Variants in PODXL2 observed in about 807,000 individuals in gnomAD.
PODXL2 encodes podocalyxin like 2.
In PODXL2, 17 loss-of-function variants were observed where a neutral mutation model predicts 53.4. That is an observed-to-expected ratio of 0.32 (90% CI 0.22 to 0.48). PODXL2 has a LOEUF of 0.48. PODXL2 is among the 20% of genes least tolerant of loss of function. PODXL2 has a pLI of 0.99. For missense variants in PODXL2, 673 were observed against 760.0 expected, an observed-to-expected ratio of 0.89 and a Z score of 1.35; for synonymous variants, 311 against 306.7, an observed-to-expected ratio of 1.01 and a Z score of -0.15.
At chr3:127,668,822 C>T (rs2074812557) in intron 5 of PODXL2, among the ~76,000 whole-genome samples, 1 of 152,132 alleles carries the variant, frequency 6.6e-6, no homozygotes, top group South Asian at 2.1e-4. Context: ...GGCAGGGGAA[C>T]AGGTGTGGTC....
intron 2 of PODXL2, among the ~76,000 whole-genome samples, chr3:127,647,255 C>T (rs1308254130): frequency 1.3e-5 from 2 of 152,110 alleles, no homozygotes; most frequent in African/African-American, 2.4e-5. Flanking sequence ...ACATGGAATG[C>T]GAATTGCTGC....
At chr3:127,669,109 T>TCA in intron 5 of PODXL2, 32 bp from the exon 6 acceptor site, 2 of 1,529,310 alleles carry the variant, frequency 1.3e-6, no homozygotes, top group Non-Finnish European at 1.8e-6. Context: ...TCAGCCATGG[T>TCA]CACACTGATA....
At position 127,661,143 on chromosome 3, in the gene PODXL2, C is replaced by T; in HGVS notation, c.1115C>T (p.Pro372Leu). 2 of 1,613,760 alleles carry T rather than the reference C, an allele frequency of 1.2e-6. No homozygotes were observed. The highest frequency in any genetic ancestry group is 1.7e-6 in the Non-Finnish European group (2 of 1,179,784). The part of the protein sequence containing the change: ...GQAAEAQSRI[P>L]WDSTQVICKD... ...GCAGCTGAAGCTCAATCCAGGATAC[C>T]CTGGGATTCTACGCAGGTAAAGTGA... Residue 372 changes from proline to leucine, a missense_variant, in exon 3 of 8, where the codon CCC becomes CTC. Transcript: ENST00000342480.
intron 4 of PODXL2, among the ~76,000 whole-genome samples, chr3:127,662,846 T>C (rs2074775986): frequency 1.3e-5 from 2 of 152,236 alleles, no homozygotes; most frequent in African/African-American, 2.4e-5. Flanking sequence ...TCCTTCCTCC[T>C]GAGGTGATTA....
At chr3:127,669,256 CT>C in intron 6 of PODXL2, 54 bp downstream of exon 6, 1 of 1,252,108 alleles carries the variant, frequency 8.0e-7, no homozygotes, top group South Asian at 1.3e-5. Context: ...CCTCCTGTCT[CT>C]GTTCCTCAAA....
intron 2 of PODXL2, 25 bp downstream of exon 2, chr3:127,639,548 T>C (rs767638590): frequency 6.3e-7 from 1 of 1,584,278 alleles, no homozygotes; most frequent in Non-Finnish European, 8.6e-7. Flanking sequence ...CTACAGAGCA[T>C]GTGTTGAGTG....
At position 127,672,571 on chromosome 3, in the gene PODXL2, C is replaced by G; in HGVS notation, c.*91C>G. The G allele has an allele frequency of 1.2e-6, 1 of 836,524 alleles. No individual in the cohort carries two copies. The highest frequency in any genetic ancestry group is 1.7e-6 in the Non-Finnish European group (1 of 586,400). 51.8% of individuals were successfully genotyped at this position (836,524 alleles called of 1,614,324 possible). A position where few individuals can be genotyped will look rare whatever the true frequency, so the allele number is the denominator to read the frequency against. On this transcript the variant is annotated 3_prime_UTR_variant, in exon 8 of 8. Transcript: ENST00000342480. ...CCCGGAGCCCGCACCAGCCCCGCGC[C>G]TACCCGGGCCGCCCCCGCGGCCTGG...
intron 2 of PODXL2, 76 bp from the exon 3 acceptor site, chr3:127,660,302 G>A: frequency 6.5e-7 from 1 of 1,548,430 alleles, no homozygotes; most frequent in Non-Finnish European, 8.7e-7. Context: ...GTTCTTTTAT[G>A]CCATCTGCCC....
intron 6 of PODXL2, among the ~76,000 whole-genome samples, 197 bp from the exon 7 acceptor site, chr3:127,671,237 G>A (rs1215403695): frequency 6.6e-6 from 1 of 152,086 alleles, no homozygotes; most frequent in Non-Finnish European, 1.5e-5. Flanking sequence ...GGGTGGAGAG[G>A]CCTCCAGGTG....
chr3:127,665,722 G>A (rs2074792020), intron 4 of PODXL2, among the ~76,000 whole-genome samples: 1 of 152,176 alleles, frequency 6.6e-6, no homozygotes, highest in Admixed American at 6.5e-5. Context: ...CCATGCAAAG[G>A]GCTGGATCAT....
At chr3:127,655,866 G>A (rs2074720628) in intron 2 of PODXL2, among the ~76,000 whole-genome samples, 1 of 152,214 alleles carries the variant, frequency 6.6e-6, no homozygotes, top group South Asian at 2.1e-4. Flanking sequence ...CACTGACCAA[G>A]GAAGAAGTGT....
rs1453223615 is a variant in PODXL2 at position 127,671,434 on chromosome 3, A to G, written c.1426A>G (p.Ile476Val). The G allele has an allele frequency of 6.2e-7, 1 of 1,613,138 alleles. No homozygotes were observed. ...GGAAACTGGCCCCTCCCACCCCTAG[A>G]TTGGCATCCAGAACTATTCCACAAC... ...LGDIRRSLEEIGIQNYSTTSS... is the reference protein window; with the variant it reads ...LGDIRRSLEEVGIQNYSTTSS... The change falls in exon 7 of 8, where the codon ATT becomes GTT. Residue 476 changes from isoleucine to valine, a missense_variant and splice_region_variant. Coordinates refer to ENST00000342480, the MANE Select transcript of PODXL2 (RefSeq NM_015720.4).
intron 1 of PODXL2, among the ~76,000 whole-genome samples, chr3:127,634,282 G>A (rs960300841): frequency 4.0e-5 from 6 of 151,800 alleles, no homozygotes; most frequent in South Asian, 2.1e-4. Flanking sequence ...AAAATTAGCC[G>A]GTCATGGTGG....
At position 127,629,199 on chromosome 3, in the gene PODXL2, G is replaced by A; in HGVS notation, c.-21G>A. The A allele has an allele frequency of 1.0e-6, 1 of 984,004 alleles. No homozygotes were observed. The highest frequency in any genetic ancestry group is 1.2e-6 in the Non-Finnish European group (1 of 830,078). 61.0% of individuals were successfully genotyped at this position (984,004 alleles called of 1,614,324 possible). A position where few individuals can be genotyped will look rare whatever the true frequency, so the allele number is the denominator to read the frequency against. On this transcript the variant is annotated 5_prime_UTR_variant, in exon 1 of 8. Coordinates refer to ENST00000342480, the MANE Select transcript of PODXL2 (RefSeq NM_015720.4). This position sits in a 1 kb window ranked among gnomAD's most constrained non-coding sequence, Gnocchi z 6.4. ...GCCCGGGCGCCGCGCCGCTGCGGCT[G>A]CAGGCGGCGACGGCTACACCATGGG...
chr3:127,648,301 G>C (rs1298081811), intron 2 of PODXL2, among the ~76,000 whole-genome samples: 1 of 152,220 alleles, frequency 6.6e-6, no homozygotes, highest in South Asian at 2.1e-4. Context: ...GCTGGGACCT[G>C]GAGCTGGTTC....
At chr3:127,656,415 C>A (rs1461169002) in intron 2 of PODXL2, among the ~76,000 whole-genome samples, 1 of 151,984 alleles carries the variant, frequency 6.6e-6, no homozygotes, top group East Asian at 1.9e-4. Context: ...CACAGGGAGA[C>A]CCCATCTCTA....
chr3:127,637,374 AT>A (rs1191432519), intron 1 of PODXL2, among the ~76,000 whole-genome samples: 16 of 152,092 alleles, frequency 1.1e-4, no homozygotes, highest in African/African-American at 3.4e-4. Flanking sequence ...TCTTTTAAAT[AT>A]TTTTTTCCCC....
chr3:127,652,183 G>C (rs1164819213), intron 2 of PODXL2, among the ~76,000 whole-genome samples: 1 of 152,216 alleles, frequency 6.6e-6, no homozygotes, highest in Non-Finnish European at 1.5e-5. Flanking sequence ...TCACAACTTA[G>C]AGCAAGAATC....
rs1377374348 is a variant in PODXL2, at chr3:127,671,498, A to G, written c.1490A>G (p.Asp497Gly). 1 of 1,614,102 alleles carries G rather than the reference A, an allele frequency of 6.2e-7. No homozygotes were observed. Among genetic ancestry groups the G allele is most frequent in the Non-Finnish European group, 8.5e-7 (1 of 1,180,004 alleles). Reference protein sequence around the residue: ...CQARASQVRSDYGTLFVVLVV... With the variant: ...CQARASQVRSGYGTLFVVLVV... ...GCGCGGGCCAGCCAGGTGCGCAGCG[A>G]CTACGGCACGCTCTTCGTGGTGCTG... The change falls in exon 7 of 8, where the codon GAC (aspartate) becomes GGC (glycine). Residue 497 changes from aspartate to glycine, a missense_variant. Physicochemically the swap from Asp to Gly is moderately conservative, Grantham distance 94. Around this residue, in one of 3 missense-constraint regions of PODXL2, gnomAD observed 588 missense variants for 668.3 expected, o/e 0.88. Coordinates refer to ENST00000342480, the MANE Select transcript of PODXL2 (RefSeq NM_015720.4).
Sources: gnomAD v4.1 joint callset for allele counts (sites outside exome capture counted in the v4.1 genomes callset) on GRCh38, gnomAD v4.1.1 for gene constraint, gnomAD v4.1.1 regional missense constraint, Gnocchi (gnomAD v3.1) non-coding constraint, MANE v1.5 for transcripts, NCBI Gene and HGNC (gene_info 2026-07-23, HGNC 2026-07-21) for gene names.